JAK1: variants seen among roughly 807,000 people sequenced by gnomAD.
JAK1 encodes tyrosine-protein kinase JAK1.
A neutral mutation model predicts 136.6 loss-of-function variants in JAK1; 16 were observed. The observed-to-expected ratio is 0.12, with a 90% confidence interval of 0.08 to 0.18. The LOEUF is 0.18. Among genes scored for constraint, JAK1 ranks in the 10% least tolerant of loss-of-function variants. The pLI is 1.00. For missense variants in JAK1, 859 were observed against 1,450.1 expected (o/e 0.59, Z 6.62); for synonymous variants, 492 against 519.5 (o/e 0.95, Z 0.72).
At chr1:65,034,497 C>T (rs1647052582) in intron 2 of JAK1, among the ~76,000 whole-genome samples, 1 of 152,134 alleles carries the variant, frequency 6.6e-6, no homozygotes, top group African/African-American at 2.4e-5. Flanking sequence ...AAAAGGTAGC[C>T]ATTAATTTAA....
intron 22 of JAK1, among the ~76,000 whole-genome samples, 195 bp from the exon 23 acceptor site, chr1:64,836,410 C>T (rs1303682522): frequency 6.6e-6 from 1 of 152,144 alleles, no homozygotes; most frequent in Non-Finnish European, 1.5e-5. Context: ...GTATCCTTTA[C>T]AGGCTCTCGG....
At chr1:65,037,728 G>A (rs2100828010) in intron 2 of JAK1, among the ~76,000 whole-genome samples, 1 of 152,224 alleles carries the variant, frequency 6.6e-6, no homozygotes, top group East Asian at 1.9e-4. Flanking sequence ...GCCAGGAGTG[G>A]TGGCATGTGC....
At chr1:64,970,679 G>A (rs547255693), upstream of JAK1, among the ~76,000 whole-genome samples, 11 of 151,442 alleles carry the variant, frequency 7.3e-5, no homozygotes, top group South Asian at 1.5e-3. Flanking sequence ...CACGAGAACC[G>A]CTTGAACCTG....
At chr1:64,883,187 C>T in intron 3 of JAK1, 90 bp downstream of exon 3, 1 of 1,085,462 alleles carries the variant, frequency 9.2e-7, no homozygotes, top group African/African-American at 1.6e-5. Context: ...CTCTTTCTGC[C>T]CAGCAGCGCT....
rs570923833 is a variant in JAK1 at position 64,838,405 on chromosome 1, A to T, written c.2967+60T>A. 65 of 1,563,704 alleles carry T rather than the reference A, an allele frequency of 4.2e-5. No homozygotes were observed. In the African/African-American group the frequency reaches 7.9e-4, roughly 19 times the overall value. On this transcript the variant is annotated intron_variant, in intron 21 of 24. Coordinates refer to ENST00000342505, the MANE Select transcript of JAK1 (RefSeq NM_002227.4). ...CCCACTTAGAGTCAAATTACAAACCAATTACCCAGGACAGAGTGCCTGATG... is the reference window on the plus strand; with the variant it reads ...CCCACTTAGAGTCAAATTACAAACCTATTACCCAGGACAGAGTGCCTGATG...
intron 4 of JAK1, among the ~76,000 whole-genome samples, chr1:64,878,583 A>G (rs1391681408): frequency 2.0e-4 from 12 of 61,018 alleles, no homozygotes; most frequent in Admixed American, 7.5e-4. Flanking sequence ...ATATATATAT[A>G]TATATATATA....
rs1419703802 is a variant in JAK1, at chr1:64,833,639, G to GGTAA, written c.*919_*922dup. 1.7e-5 allele frequency: 4 copies of GGTAA among 232,886 alleles called. No individual in the cohort carries two copies. The highest frequency in any genetic ancestry group is 1.8e-4 in the South Asian group (1 of 5,526). 14.4% of individuals were successfully genotyped at this position (232,886 alleles called of 1,614,324 possible). ...CAGGGATCAACCCTTGTAGATCGGT[G>GGTAA]GTAAGTATGGAAACCCTCTAAGAAC... On this transcript the variant is annotated 3_prime_UTR_variant, in exon 25 of 25. Coordinates refer to ENST00000342505, the MANE Select transcript of JAK1 (RefSeq NM_002227.4).
intron 1 of JAK1, among the ~76,000 whole-genome samples, chr1:65,067,319 G>A (rs975401337): frequency 5.3e-5 from 8 of 149,922 alleles, no homozygotes; most frequent in South Asian, 2.1e-4. Context: ...CTAGCGGGCC[G>A]AGCCCCACGG....
intron 1 of JAK1, among the ~76,000 whole-genome samples, chr1:64,919,015 AC>A (rs925916765): frequency 3.6e-4 from 55 of 151,626 alleles, no homozygotes; most frequent in African/African-American, 1.1e-3. Flanking sequence ...GGCTCCTTTT[AC>A]CTTTTTTTTT....
intron 1 of JAK1, among the ~76,000 whole-genome samples, chr1:64,909,009 C>T (rs779254301): frequency 3.3e-5 from 5 of 152,174 alleles, no homozygotes; most frequent in Admixed American, 6.5e-5. Context: ...AATGAACGAA[C>T]GAACGAGCTA....
At chr1:64,894,822 C>T (rs1303051541) in intron 1 of JAK1, among the ~76,000 whole-genome samples, 1 of 152,036 alleles carries the variant, frequency 6.6e-6, no homozygotes, top group African/African-American at 2.4e-5. Flanking sequence ...AAAAATCTTT[C>T]TCTACATGGC....
At chr1:64,933,770 G>T (rs1645739481) in intron 1 of JAK1, among the ~76,000 whole-genome samples, 1 of 152,176 alleles carries the variant, frequency 6.6e-6, no homozygotes, top group South Asian at 2.1e-4. Context: ...ACCACAAAAT[G>T]CAATCTATTT....
intron 7 of JAK1, among the ~76,000 whole-genome samples, chr1:64,866,484 C>G (rs1254384496): frequency 6.6e-6 from 1 of 152,200 alleles, no homozygotes; most frequent in Admixed American, 6.5e-5. Flanking sequence ...CTTCTCTGTG[C>G]CTCTTTGTAT....
intron 4 of JAK1, among the ~76,000 whole-genome samples, chr1:64,878,546 TTA>T (rs71056069): frequency 0.37 from 50,039 of 135,550 alleles, 9,757 homozygotes; most frequent in African/African-American, 0.49. Flanking sequence ...ATCATGACCT[TTA>T]TATATATAGT....
At chr1:64,840,518 G>A (rs310246) in intron 19 of JAK1, among the ~76,000 whole-genome samples, 3,084 of 152,298 alleles carry the variant, frequency 0.02, 105 homozygotes, top group African/African-American at 0.071. Flanking sequence ...TTGGGATTCT[G>A]TGCAATAAAC....
intron 1 of JAK1, among the ~76,000 whole-genome samples, chr1:64,956,590 T>C (rs1646192317): frequency 6.6e-6 from 1 of 152,240 alleles, no homozygotes; most frequent in African/African-American, 2.4e-5. Flanking sequence ...TATCACCACC[T>C]GAAATTATCT....
At chr1:64,916,088 C>A (rs967237414) in intron 1 of JAK1, among the ~76,000 whole-genome samples, 10 of 152,186 alleles carry the variant, frequency 6.6e-5, no homozygotes, top group Admixed American at 5.2e-4. Flanking sequence ...AAGCCCGAGG[C>A]ACATGCTCAG....
intron 1 of JAK1, among the ~76,000 whole-genome samples, chr1:64,946,253 G>A (rs1037724379): frequency 2.0e-4 from 31 of 152,172 alleles, no homozygotes; most frequent in African/African-American, 7.2e-4. Flanking sequence ...GAAGAATACA[G>A]GAGAGAGGAA....
At chr1:65,019,005 C>T (rs1283705221) in intron 2 of JAK1, among the ~76,000 whole-genome samples, 2 of 151,520 alleles carry the variant, frequency 1.3e-5, no homozygotes, top group Non-Finnish European at 2.9e-5. Context: ...AGTGAGATTC[C>T]GTCTCAAAAA....
Sources: allele counts gnomAD v4.1 joint callset (sites outside exome capture counted in the v4.1 genomes callset), GRCh38; gene constraint gnomAD v4.1.1; transcripts MANE v1.5; gene names NCBI Gene and HGNC (gene_info 2026-07-23, HGNC 2026-07-21).